Variants in ARHGEF7 observed in about 807,000 individuals in gnomAD.
The protein encoded by ARHGEF7 is PAK-interacting exchange factor beta.
A neutral mutation model predicts 109.8 loss-of-function variants in ARHGEF7; 33 were observed. The ratio of observed to expected loss-of-function variants is 0.30; its 90% CI spans 0.23 to 0.40. The LOEUF (loss-of-function observed/expected upper bound fraction) is 0.40, where lower values mean the gene tolerates loss of function less well. Among genes scored for constraint, ARHGEF7 ranks in the 10% least tolerant of loss-of-function variants. ARHGEF7 has a pLI of 1.00. For missense variants in ARHGEF7, 938 were observed against 1,098.5 expected (o/e 0.85, Z 2.07); for synonymous variants, 458 against 424.6 (o/e 1.08, Z -0.97).
chr13:111,226,078 A>G (rs965584319), intron 5 of ARHGEF7, among the ~76,000 whole-genome samples: 9 of 152,268 alleles, frequency 5.9e-5, no homozygotes, highest in Non-Finnish European at 1.3e-4. Flanking sequence ...ATGATAAGCA[A>G]TGAAACCACC....
chr13:111,153,658 C>T (rs9560001), intron 1 of ARHGEF7: 111,183 of 1,233,234 alleles, frequency 0.09, 5,524 homozygotes, highest in Admixed American at 0.18. Flanking sequence ...CTTCCGGCGC[C>T]GGGGCTCACT....
At chr13:111,200,124 G>T (rs2081043146) in intron 2 of ARHGEF7, among the ~76,000 whole-genome samples, 1 of 152,052 alleles carries the variant, frequency 6.6e-6, no homozygotes, top group Non-Finnish European at 1.5e-5. Flanking sequence ...TTCTGTGTCT[G>T]TGGACATCAC....
At chr13:111,117,707 GTCTC>G (rs1224854926) in intron 1 of ARHGEF7, among the ~76,000 whole-genome samples, 6 of 150,740 alleles carry the variant, frequency 4.0e-5, no homozygotes, top group Non-Finnish European at 7.4e-5. Flanking sequence ...CTCTCTCTCT[GTCTC>G]TCTCTCTCTT....
chr13:111,236,857 C>T (rs1020722488), intron 6 of ARHGEF7, among the ~76,000 whole-genome samples: 3 of 151,984 alleles, frequency 2.0e-5, no homozygotes, highest in African/African-American at 7.3e-5. Flanking sequence ...CTTAGCTACT[C>T]GGGAGGCTGA....
chr13:111,253,938 A>G (rs750924848), intron 8 of ARHGEF7, among the ~76,000 whole-genome samples: 2 of 152,188 alleles, frequency 1.3e-5, no homozygotes, highest in African/African-American at 2.4e-5. Context: ...CCTTTTCCTC[A>G]TGGAGTTTCA....
At position 111,147,790 on chromosome 13, in the gene ARHGEF7, C is replaced by T. The variant is rs952927609; in HGVS notation, c.166-6115C>T. On this transcript the variant is annotated intron_variant, in intron 1 of 21. Transcript: ENST00000646102. ...TCGGCTCACTGCAAGCTCCGCCTCCCGGGTTCACGCCATTCTCCTGCCTCA... is the reference window on the plus strand; with the variant it reads ...TCGGCTCACTGCAAGCTCCGCCTCCTGGGTTCACGCCATTCTCCTGCCTCA... Among the ~76,000 whole-genome samples, 36 of 149,940 alleles carry T rather than the reference C, an allele frequency of 2.4e-4. No homozygotes were observed. In the South Asian group the frequency reaches 6.6e-3, roughly 28 times the overall value.
chr13:111,173,152 T>TTGG (rs1437308364), intron 2 of ARHGEF7, among the ~76,000 whole-genome samples: 2 of 152,164 alleles, frequency 1.3e-5, no homozygotes, highest in Non-Finnish European at 2.9e-5. Context: ...TTTCACAGAG[T>TTGG]TGGTGTCAGA....
rs2074765112 is a variant in ARHGEF7, at chr13:111,131,749, C to G, written c.165+16058C>G. Among the ~76,000 whole-genome samples, 1 of 152,050 alleles carries G rather than the reference C, an allele frequency of 6.6e-6. No homozygotes were observed. The highest frequency in any genetic ancestry group is 6.6e-5 in the Admixed American group (1 of 15,256). On this transcript the variant is annotated intron_variant, in intron 1 of 21. Transcript: ENST00000646102. The surrounding 1 kb of genome is among the most constrained non-coding windows in gnomAD (Gnocchi z 4.4). Reference sequence around the variant, plus strand: ...AGGTGAGTGCAATTCAGAAGATTGTCTGCTGGCTTGGGCCTGTGCTGGGTG... The same window carrying G: ...AGGTGAGTGCAATTCAGAAGATTGTGTGCTGGCTTGGGCCTGTGCTGGGTG...
At chr13:111,191,068 C>T (rs1003274702) in intron 2 of ARHGEF7, among the ~76,000 whole-genome samples, 3 of 151,840 alleles carry the variant, frequency 2.0e-5, no homozygotes, top group East Asian at 1.9e-4. Flanking sequence ...GTGGTGGGGG[C>T]GCTGCTGCAG....
chr13:111,283,505 T>G, intron 16 of ARHGEF7, 142 bp downstream of exon 16: 1 of 1,344,398 alleles, frequency 7.4e-7, no homozygotes, highest in Non-Finnish European at 9.9e-7. Flanking sequence ...CTGCCTTGGT[T>G]CTCTGGTTAT....
At chr13:111,185,923 T>C (rs977390717) in intron 2 of ARHGEF7, among the ~76,000 whole-genome samples, 10 of 151,978 alleles carry the variant, frequency 6.6e-5, no homozygotes, top group Non-Finnish European at 1.3e-4. Context: ...ATCTTGGTTC[T>C]GCCTTTGTAA....
chr13:111,267,812 G>A (rs2091788998), intron 9 of ARHGEF7, 142 bp downstream of exon 9: 1 of 1,045,976 alleles, frequency 9.6e-7, no homozygotes, highest in Non-Finnish European at 1.3e-6. Context: ...TAGTGCTTGA[G>A]AAGTACTGGT....
intron 2 of ARHGEF7, among the ~76,000 whole-genome samples, chr13:111,179,083 T>TCTC (rs398070438): frequency 1.4e-5 from 2 of 145,730 alleles, no homozygotes; most frequent in Non-Finnish European, 1.5e-5. Flanking sequence ...TGCCTGTTCT[T>TCTC]TTTTTTTTTT....
chr13:111,224,877 T>G (rs1309759781), intron 5 of ARHGEF7, among the ~76,000 whole-genome samples: 3 of 152,146 alleles, frequency 2.0e-5, no homozygotes, highest in Non-Finnish European at 4.4e-5. Flanking sequence ...TGGGTTTGGA[T>G]GGGACACATG....
At chr13:111,137,539 C>T (rs926735504) in intron 1 of ARHGEF7, among the ~76,000 whole-genome samples, 3 of 152,210 alleles carry the variant, frequency 2.0e-5, no homozygotes, top group African/African-American at 7.2e-5. Flanking sequence ...ACAGAGCAGA[C>T]CCCGAGTGCT....
intron 3 of ARHGEF7, chr13:111,209,247 T>C (rs2082224869): frequency 6.6e-6 from 1 of 152,170 alleles, no homozygotes; most frequent in African/African-American, 2.4e-5. Flanking sequence ...TATTTATTTG[T>C]TGGATGGCCT....
intron 1 of ARHGEF7, chr13:111,144,830 T>G: frequency 6.6e-6 from 1 of 152,134 alleles, no homozygotes; most frequent in Admixed American, 6.5e-5. Flanking sequence ...GGTCATCGTC[T>G]TCTTCTCTAA....
intron 1 of ARHGEF7, among the ~76,000 whole-genome samples, chr13:111,132,268 C>T (rs557163349): frequency 1.3e-5 from 2 of 152,106 alleles, no homozygotes; most frequent in African/African-American, 2.4e-5. Flanking sequence ...ATAAGTGTTG[C>T]GTTGAGCCTG....
intron 17 of ARHGEF7, among the ~76,000 whole-genome samples, chr13:111,286,614 C>T (rs765821413): frequency 1.1e-4 from 17 of 152,118 alleles, no homozygotes; most frequent in Non-Finnish European, 2.5e-4. Context: ...CTGTTAGAAG[C>T]GTGACCTGCT....
Sources: allele counts gnomAD v4.1 joint callset (sites outside exome capture counted in the v4.1 genomes callset), GRCh38; gene constraint gnomAD v4.1.1; non-coding constraint Gnocchi (gnomAD v3.1); transcripts MANE v1.5; gene names NCBI Gene and HGNC (gene_info 2026-07-23, HGNC 2026-07-21).